TPD52: variants seen among roughly 807,000 people sequenced by gnomAD.
TPD52 encodes the protein tumor protein D52.
A neutral mutation model predicts 31.3 loss-of-function variants in TPD52; 17 were observed. The observed-to-expected ratio is 0.54, with a 90% CI of 0.37 to 0.82. The LOEUF (loss-of-function observed/expected upper bound fraction) is 0.82, where lower values mean the gene tolerates loss of function less well. Among genes scored for constraint, TPD52 ranks in the 40% least tolerant of loss-of-function variants. The probability of loss-of-function intolerance (pLI) is 0.00; values close to 1 mark genes in which losing one functional copy is unlikely to be tolerated. For synonymous variants in TPD52, 83 were observed against 89.6 expected (o/e 0.93, Z 0.42); for missense variants, 212 against 240.1 (o/e 0.88, Z 0.77).
At chr8:80,135,979 T>G (rs1264297091) in intron 1 of TPD52, among the ~76,000 whole-genome samples, 1 of 87,508 alleles carries the variant, frequency 1.1e-5, no homozygotes, top group Non-Finnish European at 2.2e-5. Flanking sequence ...CTGGGGACTG[T>G]TGTGGGGTGG....
intron 1 of TPD52, among the ~76,000 whole-genome samples, chr8:80,126,576 G>A (rs1472089511): frequency 4.0e-5 from 6 of 150,962 alleles, no homozygotes; most frequent in Admixed American, 1.3e-4. Flanking sequence ...CCACCTCCTG[G>A]GTTCAAGTAA....
chr8:80,113,930 C>G (rs1807682376), intron 1 of TPD52, among the ~76,000 whole-genome samples: 1 of 152,020 alleles, frequency 6.6e-6, no homozygotes, highest in Non-Finnish European at 1.5e-5. Flanking sequence ...AATTATGTGT[C>G]AAGTAAAAAT....
chr8:80,074,006 C>T (rs1814231672), intron 1 of TPD52, among the ~76,000 whole-genome samples: 1 of 152,144 alleles, frequency 6.6e-6, no homozygotes, highest in South Asian at 2.1e-4. Flanking sequence ...GAAAAAGATG[C>T]CAAAATGGAG....
At chr8:80,091,378 A>G (rs1816248951) in intron 1 of TPD52, among the ~76,000 whole-genome samples, 3 of 151,708 alleles carry the variant, frequency 2.0e-5, no homozygotes, top group Non-Finnish European at 4.4e-5. Context: ...CTGAGGCAGG[A>G]GAATGGCCTG....
chr8:80,086,734 T>TG (rs1022344681), intron 1 of TPD52, among the ~76,000 whole-genome samples: 13 of 151,192 alleles, frequency 8.6e-5, no homozygotes, highest in African/African-American at 2.7e-4. Context: ...ATTAGCTGGT[T>TG]GGGGGGGCAC....
chr8:80,117,063 G>A (rs987776910), intron 1 of TPD52, among the ~76,000 whole-genome samples: 10 of 152,126 alleles, frequency 6.6e-5, no homozygotes, highest in East Asian at 3.8e-4. Context: ...AACAAAGACC[G>A]AATGTTTTTC....
At chr8:80,090,079 C>A (rs1007656719) in intron 1 of TPD52, among the ~76,000 whole-genome samples, 1 of 151,906 alleles carries the variant, frequency 6.6e-6, no homozygotes, top group African/African-American at 2.4e-5. Flanking sequence ...AGGGAAGAAG[C>A]GAATGAAAAG....
intron 1 of TPD52, among the ~76,000 whole-genome samples, chr8:80,104,444 T>C (rs1806957750): frequency 1.1e-5 from 1 of 89,954 alleles, no homozygotes; most frequent in Non-Finnish European, 2.0e-5. Flanking sequence ...CACACGATCT[T>C]GAACATCTCA....
At chr8:80,101,534 G>A (rs1326774661) in intron 1 of TPD52, among the ~76,000 whole-genome samples, 1 of 151,840 alleles carries the variant, frequency 6.6e-6, no homozygotes, top group Non-Finnish European at 1.5e-5. Flanking sequence ...ACTGAGAGTG[G>A]GTAATTTATA....
intron 1 of TPD52, among the ~76,000 whole-genome samples, chr8:80,095,559 A>G (rs529454947): frequency 1.3e-5 from 2 of 152,216 alleles, no homozygotes; most frequent in Non-Finnish European, 2.9e-5. Context: ...AATGTACCAT[A>G]TGAATTTAAG....
At chr8:80,086,772 A>C (rs1399867317) in intron 1 of TPD52, among the ~76,000 whole-genome samples, 1 of 150,404 alleles carries the variant, frequency 6.6e-6, no homozygotes, top group Admixed American at 6.7e-5. Context: ...TACTCAGAAG[A>C]CTGAGGCACA....
chr8:80,100,057 A>G (rs1293318923), intron 1 of TPD52, among the ~76,000 whole-genome samples: 2 of 152,222 alleles, frequency 1.3e-5, no homozygotes, highest in Non-Finnish European at 2.9e-5. Context: ...GTAGTGTTCT[A>G]AACATTTAAC....
chr8:80,144,835 T>C (rs1810083418), intron 1 of TPD52, among the ~76,000 whole-genome samples: 2 of 152,078 alleles, frequency 1.3e-5, no homozygotes, highest in African/African-American at 4.8e-5. Flanking sequence ...TTGTCTAAAT[T>C]TGTAGGTCAT....
chr8:80,160,561 A>C (rs1563670749), intron 1 of TPD52, among the ~76,000 whole-genome samples: 1 of 152,174 alleles, frequency 6.6e-6, no homozygotes. Flanking sequence ...CCATTTGCCA[A>C]ATGTCTCAGG....
intron 1 of TPD52, among the ~76,000 whole-genome samples, chr8:80,094,451 TA>T (rs1816556096): frequency 1.6e-5 from 1 of 63,932 alleles, no homozygotes; most frequent in African/African-American, 9.7e-5. Flanking sequence ...TATATATATA[TA>T]TATATATATA....
At chr8:80,130,756 A>T (rs1808963968) in intron 1 of TPD52, among the ~76,000 whole-genome samples, 1 of 152,196 alleles carries the variant, frequency 6.6e-6, no homozygotes, top group African/African-American at 2.4e-5. Context: ...ACTCACCAGG[A>T]ATATAAATCC....
intron 1 of TPD52, among the ~76,000 whole-genome samples, chr8:80,095,946 C>CTACATACATACATACATACATACATACA (rs35841969): frequency 3.5e-4 from 53 of 150,502 alleles, no homozygotes; most frequent in African/African-American, 1.3e-3. Flanking sequence ...GACTCCATCT[C>CTACATACATACATACATACATACATACA]TACATACATA....
At chr8:80,135,507 A>G (rs2131106849) in intron 1 of TPD52, among the ~76,000 whole-genome samples, 1 of 152,258 alleles carries the variant, frequency 6.6e-6, no homozygotes, top group South Asian at 2.1e-4. Flanking sequence ...GTTTTCCAAC[A>G]TTTCTGATAA....
At chr8:80,098,826 T>C (rs1806517771) in intron 1 of TPD52, among the ~76,000 whole-genome samples, 1 of 152,146 alleles carries the variant, frequency 6.6e-6, no homozygotes, top group Admixed American at 6.6e-5. Context: ...AGAGAAATTT[T>C]TTTGTGAAAG....
Sources: gnomAD v4.1 joint callset for allele counts (sites outside exome capture counted in the v4.1 genomes callset) on GRCh38, gnomAD v4.1.1 for gene constraint, MANE v1.5 for transcripts, NCBI Gene and HGNC (gene_info 2026-07-23, HGNC 2026-07-21) for gene names.